PDE1C: variants seen among roughly 807,000 people sequenced by gnomAD.
The protein encoded by PDE1C is dual specificity calcium/calmodulin-dependent 3',5'-cyclic nucleotide phosphodiesterase 1C.
Under a neutral mutation model 93.1 loss-of-function variants are expected in PDE1C, and 62 were observed. That is an observed-to-expected ratio of 0.67 (90% confidence interval 0.54 to 0.82). PDE1C has a LOEUF of 0.82. PDE1C is among the 40% of genes least tolerant of loss of function. The pLI, the probability that PDE1C is intolerant of heterozygous loss-of-function variation, is 0.00. For synonymous variants in PDE1C, 325 were observed against 310.1 expected, an observed-to-expected ratio of 1.05 and a Z score of -0.50; for missense variants, 742 against 884.6, an observed-to-expected ratio of 0.84 and a Z score of 2.04.
intron 2 of PDE1C, among the ~76,000 whole-genome samples, chr7:32,041,424 C>G (rs1791795798): frequency 6.6e-6 from 1 of 152,134 alleles, no homozygotes. Context: ...GTTCATCATT[C>G]CAGCCCCCTC....
chr7:31,662,471 C>A, the PDE1C span, among the ~76,000 whole-genome samples: 2 of 152,042 alleles, frequency 1.3e-5, no homozygotes, highest in Non-Finnish European at 2.9e-5. Flanking sequence ...GTGGGCACTG[C>A]ACTTTCAATA....
intron 2 of PDE1C, among the ~76,000 whole-genome samples, chr7:31,976,105 A>G (rs1350151841): frequency 1.3e-5 from 2 of 152,232 alleles, no homozygotes; most frequent in Admixed American, 1.3e-4. Flanking sequence ...TCAACTATAG[A>G]CAGTTTTCTT....
chr7:31,753,922 TGTAAGC>T (rs1455048857), intron 17 of PDE1C, among the ~76,000 whole-genome samples: 1 of 152,220 alleles, frequency 6.6e-6, no homozygotes, highest in Admixed American at 6.5e-5. Flanking sequence ...TAGCATTGTA[TGTAAGC>T]TTTTAGTGTT....
rs529793257 is a variant in PDE1C, at chr7:31,998,088, T to C, written c.128+53466A>G. ...AGGCTGGAATGCAGTGGCGCAATCT[T>C]GGCTCACTGCAATCTCTGCCTCCTG... On this transcript the variant is annotated intron_variant, in intron 2 of 17. Transcript: ENST00000396191. Among the ~76,000 whole-genome samples, 453 of 152,188 alleles carry C rather than the reference T, an allele frequency of 3.0e-3. 3 individuals carry two copies. Among genetic ancestry groups the C allele is most frequent in the African/African-American group, 9.8e-3 (408 of 41,538 alleles).
chr7:31,694,395 C>CACACACACACACAT, the PDE1C span, among the ~76,000 whole-genome samples: 1 of 151,710 alleles, frequency 6.6e-6, no homozygotes, highest in African/African-American at 2.4e-5. Context: ...CAAACACACA[C>CACACACACACACAT]ACACACACAC....
intron 2 of PDE1C, among the ~76,000 whole-genome samples, chr7:31,982,205 A>T (rs1382374977): frequency 6.6e-6 from 1 of 152,254 alleles, no homozygotes. Context: ...GCAGCCATCC[A>T]GTCGAGGTTC....
intron 3 of PDE1C, chr7:32,169,766 G>A: frequency 6.2e-7 from 1 of 1,607,740 alleles, no homozygotes. Context: ...GGAACACATT[G>A]AGTTGCAATC....
At chr7:32,001,919 C>T (rs4398806) in intron 2 of PDE1C, among the ~76,000 whole-genome samples, 35,787 of 151,984 alleles carry the variant, frequency 0.24, 4,454 homozygotes, top group Non-Finnish European at 0.28. Flanking sequence ...ATTAGCTGAG[C>T]GTTGTGGCAG....
rs117587845 is a variant in PDE1C at position 31,823,450 on chromosome 7, G to A, written c.1407-202C>T. On this transcript the variant is annotated intron_variant, in intron 13 of 17. Transcript: ENST00000396191. ...TTTCAGCAGGAAAAACATCAACATT[G>A]CAGTCTCAAGAGTCTCTATATTCTT... 6.4e-4 allele frequency among the ~76,000 whole-genome samples: 98 copies of A among 152,178 alleles called. No individual in the cohort carries two copies. In the East Asian group the frequency reaches 0.017, roughly 26 times the overall value.
chr7:32,171,330 A>C (rs1292752220), intron 2 of PDE1C, among the ~76,000 whole-genome samples: 4 of 152,070 alleles, frequency 2.6e-5, no homozygotes, highest in African/African-American at 9.7e-5. Flanking sequence ...AAAACAGTCA[A>C]AGGTACCAAA....
the PDE1C span, among the ~76,000 whole-genome samples, chr7:31,628,965 C>G: frequency 6.6e-6 from 1 of 152,126 alleles, no homozygotes; most frequent in Non-Finnish European, 1.5e-5. Flanking sequence ...AACATTTGGA[C>G]TGGTTATCAC....
chr7:32,389,659 T>C (rs1784715945), intron 1 of PDE1C, among the ~76,000 whole-genome samples: 1 of 152,218 alleles, frequency 6.6e-6, no homozygotes, highest in Non-Finnish European at 1.5e-5. Context: ...TGGCATAAAT[T>C]GTTATGAAGA....
In PDE1C at chr7:32,153,531, C is replaced by T. The variant is rs1324120878; in HGVS notation, c.308+16254G>A. On this transcript the variant is annotated intron_variant, in intron 3 of 18. Transcript: ENST00000396193. ...AACAAGCAGAGTGGGGGTTCTCAGC[C>T]CTGCTGCATGGCAGCAGAATGGGAC... Among the ~76,000 whole-genome samples the T allele has an allele frequency of 3.3e-5, 5 of 152,282 alleles. No individual in the cohort carries two copies. In the South Asian group the frequency reaches 8.3e-4, roughly 25 times the overall value.
intron 2 of PDE1C, among the ~76,000 whole-genome samples, chr7:31,904,949 T>C (rs1255329007): frequency 1.3e-5 from 2 of 152,152 alleles, no homozygotes; most frequent in Non-Finnish European, 2.9e-5. Flanking sequence ...TTTTAATTTT[T>C]ACATTCTTTT....
At chr7:32,383,144 G>A (rs953290926) in intron 1 of PDE1C, among the ~76,000 whole-genome samples, 7 of 152,096 alleles carry the variant, frequency 4.6e-5, no homozygotes, top group African/African-American at 9.7e-5. Context: ...AGATAATCAC[G>A]CTCAAAACAT....
At chr7:31,870,294 T>A (rs565608733) in intron 6 of PDE1C, among the ~76,000 whole-genome samples, 126 of 151,194 alleles carry the variant, frequency 8.3e-4, no homozygotes, top group Non-Finnish European at 1.4e-3. Flanking sequence ...AACAATGCAA[T>A]GGAGCAATGA....
At chr7:31,779,214 C>T (rs1233113172) in intron 16 of PDE1C, among the ~76,000 whole-genome samples, 3 of 152,066 alleles carry the variant, frequency 2.0e-5, no homozygotes, top group African/African-American at 4.8e-5. Flanking sequence ...GTCGAACTAA[C>T]GAAAAGTGTG....
At chr7:32,357,786 C>T (rs1784060552) in intron 1 of PDE1C, among the ~76,000 whole-genome samples, 1 of 152,126 alleles carries the variant, frequency 6.6e-6, no homozygotes, top group Non-Finnish European at 1.5e-5. Flanking sequence ...AGCCTGCAAC[C>T]TATCAATGGC....
chr7:32,370,321 C>T (rs554453779), intron 1 of PDE1C, among the ~76,000 whole-genome samples: 6 of 151,842 alleles, frequency 4.0e-5, no homozygotes, highest in Admixed American at 6.6e-5. Flanking sequence ...TGGTGGCGGG[C>T]GTCTGTAGTC....
Sources: allele counts gnomAD v4.1 joint callset (sites outside exome capture counted in the v4.1 genomes callset), GRCh38; gene constraint gnomAD v4.1.1; transcripts MANE v1.5; gene names NCBI Gene and HGNC (gene_info 2026-07-23, HGNC 2026-07-21).